The following SNX29 variants were observed in gnomAD, a reference collection of about 807,000 sequenced individuals.
SNX29 encodes the protein sorting nexin-29.
SNX29 carries 78 observed loss-of-function variants against 102.1 expected under a neutral mutation model. That is an observed-to-expected ratio of 0.76 (90% confidence interval 0.64 to 0.92). SNX29 has a LOEUF of 0.92. SNX29 is among the 40% of genes least tolerant of loss of function. The probability of loss-of-function intolerance (pLI) is 0.00; values close to 1 mark genes in which losing one functional copy is unlikely to be tolerated. For missense variants in SNX29, 1,280 were observed against 1,061.7 expected (o/e 1.21, Z -2.86); for synonymous variants, 580 against 414.5 (o/e 1.40, Z -4.85).
chr16:12,104,982 C>G (rs181458853), intron 11 of SNX29, among the ~76,000 whole-genome samples: 1 of 152,344 alleles, frequency 6.6e-6, no homozygotes, highest in East Asian at 1.9e-4. Context: ...GCTCCAAATG[C>G]AGATCCACTC....
chr16:12,300,945 T>C (rs1482427194), intron 15 of SNX29, among the ~76,000 whole-genome samples: 1 of 152,136 alleles, frequency 6.6e-6, no homozygotes, highest in Non-Finnish European at 1.5e-5. Context: ...AATACCCTCC[T>C]TTGAGGACCA....
intron 20 of SNX29, among the ~76,000 whole-genome samples, chr16:12,551,313 A>C (rs190366470): frequency 2.0e-5 from 3 of 152,284 alleles, no homozygotes; most frequent in South Asian, 4.1e-4. Context: ...CCAAAAAGCC[A>C]CTTGTAACCT....
At chr16:12,189,866 T>A (rs139749903) in intron 13 of SNX29, among the ~76,000 whole-genome samples, 2 of 152,102 alleles carry the variant, frequency 1.3e-5, no homozygotes, top group Non-Finnish European at 2.9e-5. Context: ...TGGGAACTTT[T>A]ATGAGCTGGC....
intron 15 of SNX29, 71 bp from the exon 16 acceptor site, chr16:12,356,092 C>A: frequency 7.0e-7 from 1 of 1,422,876 alleles, no homozygotes; most frequent in South Asian, 1.2e-5. Context: ...GAAGGAGAGT[C>A]CAGAGAAGGC....
Position 12,003,481 on chromosome 16 carries a change from G to A in SNX29, c.122+438G>A, listed in dbSNP as rs982720944. The stretch of plus-strand genomic sequence containing the variant: ...TTGTTTTCAACAGAAAAATGCATAG[G>A]TAGTGATTTAAAAATTACATATATA... On this transcript the variant is annotated intron_variant, in intron 3 of 20. Transcript: ENST00000566228. 6.6e-5 allele frequency among the ~76,000 whole-genome samples: 10 copies of A among 152,108 alleles called. No individual in the cohort carries two copies. In the South Asian group the frequency reaches 8.3e-4, roughly 13 times the overall value.
intron 14 of SNX29, among the ~76,000 whole-genome samples, chr16:12,236,961 G>A (rs983059831): frequency 2.0e-5 from 3 of 152,202 alleles, no homozygotes; most frequent in Non-Finnish European, 4.4e-5. Context: ...TAAAGGCACT[G>A]GGCAGCATGA....
chr16:12,312,414 G>T (rs2151140234), intron 15 of SNX29, among the ~76,000 whole-genome samples: 1 of 152,262 alleles, frequency 6.6e-6, no homozygotes, highest in Non-Finnish European at 1.5e-5. Context: ...CTTAACTCTG[G>T]GCCATTGGTG....
intron 14 of SNX29, among the ~76,000 whole-genome samples, chr16:12,207,899 G>C (rs1405506083): frequency 6.6e-6 from 1 of 152,120 alleles, no homozygotes; most frequent in East Asian, 1.9e-4. Flanking sequence ...ACCACATAAG[G>C]GGTAGGGTCT....
At chr16:12,538,818 G>A (rs1035805467) in intron 20 of SNX29, among the ~76,000 whole-genome samples, 1 of 152,166 alleles carries the variant, frequency 6.6e-6, no homozygotes, top group Non-Finnish European at 1.5e-5. Flanking sequence ...AGAGTCAGTG[G>A]GAGGGCACTG....
chr16:11,983,747 A>G (rs915152675), intron 1 of SNX29: 1 of 976,196 alleles, frequency 1.0e-6, no homozygotes, highest in Non-Finnish European at 1.2e-6. Context: ...GAGCTCTTAA[A>G]ATTTGGAACT....
In SNX29 at chr16:12,572,239, C is replaced by G. The variant is rs1381884264; in HGVS notation, c.*3610C>G. 2.9e-6 allele frequency: 3 copies of G among 1,038,942 alleles called. No individual in the cohort carries two copies. Among genetic ancestry groups the G allele is most frequent in the East Asian group, 1.0e-4 (2 of 19,708 alleles). The allele number at this position is 1,038,942 out of a possible 1,614,324, so 64.4% of individuals were successfully genotyped here. On this transcript the variant is annotated 3_prime_UTR_variant, in exon 21 of 21. Transcript: ENST00000566228. Reference sequence around the variant, plus strand: ...CAGAGGCTCCTGAAAGTCGTTTACACCAGGTGGATTGATACCATGGCTGTA... The same window carrying G: ...CAGAGGCTCCTGAAAGTCGTTTACAGCAGGTGGATTGATACCATGGCTGTA...
In SNX29 at chr16:12,014,746, A is replaced by AAAAAG. The variant is rs1293295810; in HGVS notation, c.122+11713_122+11717dup. On this transcript the variant is annotated intron_variant, in intron 3 of 20. Transcript: ENST00000566228. ...AAGCTCCGTCTCAAAAAAAAAAAAA[A>AAAAAG]AAAAGAAAAGAAAAAGAAAATCATC... Among the ~76,000 whole-genome samples, 7 of 151,734 alleles carry AAAAAG rather than the reference A, an allele frequency of 4.6e-5. No homozygotes were observed. The South Asian group carries it at 1.5e-3, about 32-fold the overall frequency.
chr16:12,524,433 C>A (rs1320707897), intron 19 of SNX29, among the ~76,000 whole-genome samples: 1 of 151,708 alleles, frequency 6.6e-6, no homozygotes, highest in African/African-American at 2.4e-5. Flanking sequence ...TTTTGGTGCC[C>A]CATAAATAAC....
intron 19 of SNX29, among the ~76,000 whole-genome samples, chr16:12,511,196 C>G (rs1477716487): frequency 6.6e-6 from 1 of 152,096 alleles, no homozygotes; most frequent in African/African-American, 2.4e-5. Context: ...TTTTTTATTT[C>G]TGTTTTTAGC....
At chr16:12,568,290 C>T (rs979381763) in intron 20 of SNX29, among the ~76,000 whole-genome samples, 7 of 116,792 alleles carry the variant, frequency 6.0e-5, no homozygotes, top group African/African-American at 2.3e-4. Context: ...TTGGTTGGAG[C>T]CTCGGAGTGC....
At chr16:12,185,227 C>T (rs2076481679) in intron 13 of SNX29, among the ~76,000 whole-genome samples, 2 of 152,064 alleles carry the variant, frequency 1.3e-5, no homozygotes, top group South Asian at 2.1e-4. Flanking sequence ...AATAAATCAG[C>T]CACATGTGAG....
chr16:12,444,100 C>T (rs916174397), intron 18 of SNX29, among the ~76,000 whole-genome samples: 5 of 151,634 alleles, frequency 3.3e-5, no homozygotes, highest in Non-Finnish European at 7.4e-5. Context: ...CAGTATAGCA[C>T]CTAGCACGTA....
intron 3 of SNX29, 67 bp from the exon 4 acceptor site, chr16:12,027,253 T>A: frequency 6.3e-7 from 1 of 1,597,132 alleles, no homozygotes; most frequent in Admixed American, 1.7e-5. Context: ...TTCCTGGAGA[T>A]GCTGGGGCCG....
At chr16:12,324,708 C>T (rs888149583) in intron 15 of SNX29, among the ~76,000 whole-genome samples, 5 of 152,238 alleles carry the variant, frequency 3.3e-5, no homozygotes, top group African/African-American at 9.6e-5. Flanking sequence ...TCTCGGCCCC[C>T]AGCCCATCTC....
Sources: allele counts gnomAD v4.1 joint callset (sites outside exome capture counted in the v4.1 genomes callset), GRCh38; gene constraint gnomAD v4.1.1; transcripts MANE v1.5; gene names NCBI Gene and HGNC (gene_info 2026-07-23, HGNC 2026-07-21).